Variants in PDE1C observed in about 807,000 individuals in gnomAD.
PDE1C encodes dual specificity calcium/calmodulin-dependent 3',5'-cyclic nucleotide phosphodiesterase 1C.
A neutral mutation model predicts 93.1 loss-of-function variants in PDE1C; 62 were observed. The ratio of observed to expected loss-of-function variants is 0.67; its 90% CI spans 0.54 to 0.82. PDE1C has a LOEUF of 0.82. PDE1C is among the 40% of genes least tolerant of loss of function. The probability of loss-of-function intolerance (pLI) is 0.00; values close to 1 mark genes in which losing one functional copy is unlikely to be tolerated. For missense variants in PDE1C, 742 were observed against 884.6 expected, an observed-to-expected ratio of 0.84 and a Z score of 2.04; for synonymous variants, 325 against 310.1, an observed-to-expected ratio of 1.05 and a Z score of -0.50.
At chr7:32,083,501 T>C (rs566315551) in intron 3 of PDE1C, among the ~76,000 whole-genome samples, 2 of 151,976 alleles carry the variant, frequency 1.3e-5, no homozygotes, top group Non-Finnish European at 2.9e-5. Context: ...ATACAGAGAA[T>C]GCCACAAAGA....
At chr7:31,999,768 A>T (rs1192366636) in intron 2 of PDE1C, among the ~76,000 whole-genome samples, 1 of 152,162 alleles carries the variant, frequency 6.6e-6, no homozygotes, top group Admixed American at 6.5e-5. Flanking sequence ...GACATGCCTT[A>T]AAGTTTTGGT....
At chr7:31,658,183 A>G in the PDE1C span, 1 of 1,181,842 alleles carries the variant, frequency 8.5e-7, no homozygotes, top group Non-Finnish European at 1.1e-6. Context: ...GATTTGTGTA[A>G]GGATATTCGT....
the PDE1C span, among the ~76,000 whole-genome samples, chr7:31,664,826 A>G: frequency 6.6e-6 from 1 of 152,228 alleles, no homozygotes; most frequent in Non-Finnish European, 1.5e-5. Context: ...TCACCTGATC[A>G]AGACATCCAT....
At chr7:31,756,265 A>G (rs781427834) in intron 17 of PDE1C, among the ~76,000 whole-genome samples, 63 of 152,244 alleles carry the variant, frequency 4.1e-4, no homozygotes, top group Non-Finnish European at 8.1e-4. Flanking sequence ...CACCAGTGGC[A>G]TGTGATGAAA....
At chr7:32,074,603 G>A (rs1038388336), upstream of PDE1C, among the ~76,000 whole-genome samples, 1 of 152,166 alleles carries the variant, frequency 6.6e-6, no homozygotes, top group Non-Finnish European at 1.5e-5. Flanking sequence ...CTCTAGTAAA[G>A]AGGTATATAA....
intron 1 of PDE1C, among the ~76,000 whole-genome samples, chr7:32,341,263 C>T (rs1344959193): frequency 7.2e-6 from 1 of 138,390 alleles, no homozygotes; most frequent in Non-Finnish European, 1.5e-5. Flanking sequence ...GCAAGCTCCG[C>T]CTCCCGGGTT....
chr7:31,822,681 G>T (rs1789120608), intron 14 of PDE1C, among the ~76,000 whole-genome samples: 1 of 152,100 alleles, frequency 6.6e-6, no homozygotes. Flanking sequence ...CAACATAATG[G>T]CCAAGGCAAG....
At chr7:31,700,156 G>A in the PDE1C span, among the ~76,000 whole-genome samples, 264 of 152,306 alleles carry the variant, frequency 1.7e-3, 1 homozygote, top group African/African-American at 6.1e-3. Flanking sequence ...TGAAAATTAG[G>A]TCTCTTGTAC....
chr7:32,307,482 A>T (rs1813037514), intron 1 of PDE1C, among the ~76,000 whole-genome samples: 1 of 152,236 alleles, frequency 6.6e-6, no homozygotes, highest in Admixed American at 6.5e-5. Context: ...GGGGTGGGTG[A>T]CATCTGGGAA....
intron 1 of PDE1C, chr7:32,052,310 G>C (rs906110599): frequency 6.2e-6 from 3 of 485,704 alleles, no homozygotes; most frequent in Non-Finnish European, 1.2e-5. Context: ...TGTGCATCAG[G>C]CTTCTTAATC....
At chr7:31,643,058 A>G in the PDE1C span, 1 of 1,613,854 alleles carries the variant, frequency 6.2e-7, no homozygotes, top group Non-Finnish European at 8.5e-7. Context: ...TCCAAATATG[A>G]TCATCCTCTG....
the PDE1C span, among the ~76,000 whole-genome samples, chr7:31,708,740 G>T: frequency 6.6e-6 from 1 of 152,150 alleles, no homozygotes; most frequent in Non-Finnish European, 1.5e-5. Flanking sequence ...ACTGAGTACT[G>T]GATGCCCATT....
At chr7:32,363,923 A>T (rs1784183796) in intron 1 of PDE1C, among the ~76,000 whole-genome samples, 1 of 152,238 alleles carries the variant, frequency 6.6e-6, no homozygotes, top group Non-Finnish European at 1.5e-5. Flanking sequence ...TAACTTAGTT[A>T]TTCCTCATAA....
At chr7:32,147,271 A>G (rs1800911102) in intron 3 of PDE1C, among the ~76,000 whole-genome samples, 1 of 37,356 alleles carries the variant, frequency 2.7e-5, no homozygotes, top group African/African-American at 1.0e-4. Flanking sequence ...AAAGAAAGAA[A>G]AAAAGAAAGA....
At chr7:31,808,912 T>G (rs1182033485) in intron 16 of PDE1C, 119 bp downstream of exon 16, 3 of 591,546 alleles carry the variant, frequency 5.1e-6, no homozygotes, top group African/African-American at 1.9e-5. Flanking sequence ...TAGTGAAGGG[T>G]TTTTTTCAGG....
chr7:32,155,120 A>T (rs764576480), intron 3 of PDE1C, among the ~76,000 whole-genome samples: 17 of 152,194 alleles, frequency 1.1e-4, no homozygotes, highest in Admixed American at 2.0e-4. Context: ...AGGCAAATCC[A>T]CAGCAGCATC....
chr7:32,398,266 T>C (rs1457172637), intron 1 of PDE1C, among the ~76,000 whole-genome samples: 10 of 148,668 alleles, frequency 6.7e-5, no homozygotes, highest in Admixed American at 6.7e-5. Context: ...TGAGCCGAGA[T>C]TGCGCCAGCC....
chr7:32,374,727 C>T lies in PDE1C; in HGVS notation c.310+53095G>A, dbSNP rs77807997. Among the ~76,000 whole-genome samples the T allele has an allele frequency of 5.8e-3, 876 of 152,330 alleles. 13 individuals are homozygous for T. Among genetic ancestry groups the T allele is most frequent in the African/African-American group, 0.02 (838 of 41,582 alleles). On this transcript the variant is annotated intron_variant, in intron 1 of 1. Coordinates refer to the PDE1C transcript ENST00000672256. ...TGGTTGTTGTTTTAAGCCACTAAGACTTTGGGGTGCTTTGCTATGCAGCAA... is the reference window on the plus strand; with the variant it reads ...TGGTTGTTGTTTTAAGCCACTAAGATTTTGGGGTGCTTTGCTATGCAGCAA...
At chr7:32,168,085 G>A (rs1802415812) in intron 3 of PDE1C, among the ~76,000 whole-genome samples, 1 of 151,872 alleles carries the variant, frequency 6.6e-6, no homozygotes, top group African/African-American at 2.4e-5. Context: ...TTGTATTAAG[G>A]GTACCAATAA....
Sources: gnomAD v4.1 joint callset for allele counts (sites outside exome capture counted in the v4.1 genomes callset) on GRCh38, gnomAD v4.1.1 for gene constraint, MANE v1.5 for transcripts, NCBI Gene and HGNC (gene_info 2026-07-23, HGNC 2026-07-21) for gene names.